HDGFL2: variants seen among roughly 807,000 people sequenced by gnomAD.
The protein encoded by HDGFL2 is HDGF like 2.
Under a neutral mutation model 77.1 loss-of-function variants are expected in HDGFL2, and 36 were observed. The observed-to-expected ratio is 0.47, with a 90% confidence interval of 0.36 to 0.62. The LOEUF (loss-of-function observed/expected upper bound fraction) is 0.62, where lower values mean the gene tolerates loss of function less well. HDGFL2 is among the 20% of genes least tolerant of loss of function. HDGFL2 has a pLI of 0.00. For missense variants in HDGFL2, 976 were observed against 973.4 expected (o/e 1.00, Z -0.04); for synonymous variants, 463 against 413.1 (o/e 1.12, Z -1.46).
Position 4,499,712 on chromosome 19 carries a change from G to A in HDGFL2, c.1789+8G>A. ...AGGACAAGCCCAGCACCGGTGAGGG[G>A]CGGGTGGGGTGGGCCCTGTACCTCA... On this transcript the variant is annotated splice_region_variant and intron_variant, in intron 14 of 15. Transcript: ENST00000616600. The A allele has an allele frequency of 6.4e-7, 1 of 1,552,164 alleles. No individual in the cohort carries two copies. The highest frequency in any genetic ancestry group is 8.7e-7 in the Non-Finnish European group (1 of 1,147,664).
Position 4,485,741 on chromosome 19 carries a change from CA to C in HDGFL2, c.289-2921del, listed in dbSNP as rs757419803. On this transcript the variant is annotated intron_variant, in intron 3 of 15. Transcript: ENST00000616600. ...TGGGCGACAGAGCGAGACTCCGTCT[CA>C]AAAAAAAAAAAAATCTCAATCTCGT... Among the ~76,000 whole-genome samples the C allele has an allele frequency of 3.5e-3, 451 of 129,432 alleles. 1 individual carries two copies. Among genetic ancestry groups the C allele is most frequent in the African/African-American group, 6.9e-3 (242 of 34,888 alleles). The allele number at this position is 129,432 out of a possible 152,430, so 84.9% of individuals were successfully genotyped here. A position where few individuals can be genotyped will look rare whatever the true frequency, so the allele number is the denominator to read the frequency against.
chr19:4,498,470 G>A, intron 12 of HDGFL2, 94 bp downstream of exon 12: 1 of 1,026,572 alleles, frequency 9.7e-7, no homozygotes, highest in Non-Finnish European at 1.5e-6. Flanking sequence ...GCAAAGCCGG[G>A]GTCCTGCAGT....
chr19:4,500,326 C>T (rs972594359), intron 14 of HDGFL2, among the ~76,000 whole-genome samples: 1 of 152,080 alleles, frequency 6.6e-6, no homozygotes, highest in Non-Finnish European at 1.5e-5. Context: ...TCGCTCTGTC[C>T]CCCAGGCTGG....
At chr19:4,496,202 C>A in intron 9 of HDGFL2, 100 bp from the exon 10 acceptor site, 1 of 966,148 alleles carries the variant, frequency 1.0e-6, no homozygotes, top group Non-Finnish European at 1.6e-6. Flanking sequence ...TGGAGGGCGA[C>A]AGAAAGGGTC....
chr19:4,474,420 T>C (rs765819696), intron 1 of HDGFL2, among the ~76,000 whole-genome samples: 3 of 151,878 alleles, frequency 2.0e-5, no homozygotes, highest in Admixed American at 2.0e-4. Flanking sequence ...TGGCGGCCCA[T>C]GGCCGAGCCC....
intron 3 of HDGFL2, among the ~76,000 whole-genome samples, chr19:4,477,300 A>G (rs1975097216): frequency 6.6e-6 from 1 of 152,128 alleles, no homozygotes; most frequent in African/African-American, 2.4e-5. Flanking sequence ...ATGGTCCAGA[A>G]TTGAGGATTC....
rs368578250 is a variant in HDGFL2, at chr19:4,475,412, C to T, written c.150-33C>T. ...TGGTGCCTCCCGGGGTGGCCTCACTCACCTGGGACTGGCCCCCGTTTCCCT... is the reference window on the plus strand; with the variant it reads ...TGGTGCCTCCCGGGGTGGCCTCACTTACCTGGGACTGGCCCCCGTTTCCCT... On this transcript the variant is annotated intron_variant, in intron 2 of 15. Transcript: ENST00000616600. 5.0e-6 allele frequency: 8 copies of T among 1,613,838 alleles called. No individual in the cohort carries two copies. The African/African-American group carries it at 5.3e-5, about 11-fold the overall frequency.
chr19:4,483,466 T>C (rs1290130673), intron 3 of HDGFL2, among the ~76,000 whole-genome samples: 1 of 152,158 alleles, frequency 6.6e-6, no homozygotes, highest in Non-Finnish European at 1.5e-5. Context: ...GCTGACGCCC[T>C]CATTCCTCAG....
rs1158672459 is a variant in HDGFL2 at position 4,499,673 on chromosome 19, C to G, written c.1758C>G (p.Pro586=). Residue 586 remains proline (P), a synonymous_variant, in exon 14 of 16, where the codon CCC becomes CCG. Coordinates refer to ENST00000616600, the MANE Select transcript of HDGFL2 (RefSeq NM_001001520.3). ...AGEELAGEEA[P]QEKAEDKPST... ...AGGAGCTGGCCGGGGAGGAGGCCCC[C>G]CAGGAGAAGGCGGAGGACAAGCCCA... 1 of 1,574,930 alleles carries G rather than the reference C, an allele frequency of 6.3e-7. No homozygotes were observed. The highest frequency in any genetic ancestry group is 1.2e-5 in the South Asian group (1 of 86,596).
chr19:4,477,934 G>T (rs530792840), intron 3 of HDGFL2, among the ~76,000 whole-genome samples: 1 of 152,020 alleles, frequency 6.6e-6, no homozygotes, highest in South Asian at 2.1e-4. Context: ...ACAAAAATTA[G>T]CTGGGCGTGG....
intron 15 of HDGFL2, 194 bp from the exon 16 acceptor site, chr19:4,501,717 G>T (rs1975892743): frequency 7.6e-6 from 4 of 528,352 alleles, no homozygotes; most frequent in Non-Finnish European, 1.3e-5. Context: ...TGCTATGCCT[G>T]GCTGGCGCCA....
At chr19:4,500,165 G>A (rs533089995) in intron 14 of HDGFL2, among the ~76,000 whole-genome samples, 13 of 152,360 alleles carry the variant, frequency 8.5e-5, no homozygotes, top group Non-Finnish European at 1.3e-4. Flanking sequence ...CTGGCTGTGG[G>A]GCTACTGGGC....
At chr19:4,498,523 G>T in intron 12 of HDGFL2, 147 bp downstream of exon 12, 1 of 682,184 alleles carries the variant, frequency 1.5e-6, no homozygotes, top group Non-Finnish European at 2.5e-6. Flanking sequence ...TGAGCGCATG[G>T]GGTCTCCTGG....
Position 4,494,326 on chromosome 19 carries a change from C to G in HDGFL2, c.1075C>G (p.Arg359Gly). Reference protein sequence around the residue: ...EKERRRERADRGEAERGSGGS... With the variant: ...EKERRRERADGGEAERGSGGS... The stretch of plus-strand genomic sequence containing the variant: ...GGAGCGGAGGCGCGAGCGGGCCGAC[C>G]GCGGGGAGGCTGAGCGGGGCAGCGG... Residue 359 changes from arginine (R) to glycine (G), a missense_variant, in exon 9 of 16, where the codon CGC becomes GGC. This residue lies in a region of HDGFL2 where 567 missense variants were observed against 534.7 expected (regional missense o/e 1.06). Transcript: ENST00000616600. The G allele has an allele frequency of 7.1e-7, 1 of 1,418,028 alleles. No individual in the cohort carries two copies. Among genetic ancestry groups the G allele is most frequent in the Non-Finnish European group, 9.2e-7 (1 of 1,089,746 alleles). The allele number at this position is 1,418,028 out of a possible 1,614,324, so 87.8% of individuals were successfully genotyped here.
At chr19:4,482,002 G>T (rs1162147913) in intron 3 of HDGFL2, among the ~76,000 whole-genome samples, 3 of 149,198 alleles carry the variant, frequency 2.0e-5, no homozygotes, top group South Asian at 2.1e-4. Context: ...CAGCCGGGGG[G>T]ACTGGAAGTT....
chr19:4,483,632 C>G (rs550769783), intron 3 of HDGFL2, among the ~76,000 whole-genome samples: 1 of 151,996 alleles, frequency 6.6e-6, no homozygotes, highest in Non-Finnish European at 1.5e-5. Flanking sequence ...TTCCTGGCCT[C>G]GTCTCCCGCG....
chr19:4,497,234 G>A (rs1406556052), intron 10 of HDGFL2: 2 of 427,572 alleles, frequency 4.7e-6, no homozygotes, highest in Non-Finnish European at 4.6e-6. Flanking sequence ...GGCTTGCTCT[G>A]TGGCCCAGGC....
chr19:4,498,510 T>C (rs1214191825), intron 12 of HDGFL2, 134 bp downstream of exon 12: 2 of 727,664 alleles, frequency 2.7e-6, no homozygotes, highest in Non-Finnish European at 4.7e-6. Context: ...TTCCGGTTGC[T>C]AGTGAGCGCA....
intron 6 of HDGFL2, among the ~76,000 whole-genome samples, chr19:4,493,167 G>A (rs775668141): frequency 2.0e-4 from 28 of 142,900 alleles, no homozygotes; most frequent in Non-Finnish European, 3.2e-4. Flanking sequence ...TGTTGTCTGT[G>A]TGTGGTGTGT....
Sources: gnomAD v4.1 joint callset for allele counts (sites outside exome capture counted in the v4.1 genomes callset) on GRCh38, gnomAD v4.1.1 for gene constraint, gnomAD v4.1.1 regional missense constraint, MANE v1.5 for transcripts, NCBI Gene and HGNC (gene_info 2026-07-23, HGNC 2026-07-21) for gene names.